The following PLEKHG5 variants were observed in gnomAD, a reference collection of about 807,000 sequenced individuals.
The protein encoded by PLEKHG5 is pleckstrin homology and RhoGEF domain containing G5, also known as pleckstrin homology domain-containing family G member 5.
PLEKHG5 carries 52 observed loss-of-function variants against 103.8 expected under a neutral mutation model. The ratio of observed to expected loss-of-function variants is 0.50; its 90% confidence interval spans 0.40 to 0.63. PLEKHG5 has a LOEUF of 0.63. Ranked by LOEUF, PLEKHG5 falls within the 30% of genes least tolerant of loss-of-function variation. The probability of loss-of-function intolerance (pLI) is 0.00; values close to 1 mark genes in which losing one functional copy is unlikely to be tolerated. For synonymous variants in PLEKHG5, 592 were observed against 575.5 expected (o/e 1.03, Z -0.41); for missense variants, 1,205 against 1,347.6 (o/e 0.89, Z 1.66).
chr1:6,508,450 C>T (rs953171589), intron 1 of PLEKHG5, among the ~76,000 whole-genome samples: 7 of 152,186 alleles, frequency 4.6e-5, no homozygotes, highest in Admixed American at 1.3e-4. Flanking sequence ...CCCAGCCTCC[C>T]GATGCAGGAA....
chr1:6,470,799 A>C lies in PLEKHG5; in HGVS notation c.1478T>G (p.Leu493Arg). 1 of 1,575,432 alleles carries C rather than the reference A, an allele frequency of 6.3e-7. No individual in the cohort carries two copies. The highest frequency in any genetic ancestry group is 8.6e-7 in the Non-Finnish European group (1 of 1,161,118). The change falls in exon 14 of 21, where the codon CTG becomes CGG. Residue 493 changes from leucine to arginine, a missense_variant. Coordinates refer to ENST00000377728, the MANE Select transcript of PLEKHG5 (RefSeq NM_020631.6). The stretch of plus-strand genomic sequence containing the variant: ...CTTCCTCAGCACCGACTTGAGCAGC[A>C]GCGGGTACTTGGTGAGCCGCTGGTG... ...KPHQRLTKYPLLLKSVLRKTE... is the reference protein window; with the variant it reads ...KPHQRLTKYPRLLKSVLRKTE...
rs373357833 is a variant in PLEKHG5 at position 6,469,693 on chromosome 1, G to T, written c.1801-17C>A. On this transcript the variant is annotated splice_polypyrimidine_tract_variant and intron_variant, in intron 16 of 20. Coordinates refer to ENST00000377728, the MANE Select transcript of PLEKHG5 (RefSeq NM_020631.6). ...CACATCCATCTGCAGTGGCAGGAGG[G>T]GGGGTGGCCAGAGAGGCCAGCAGGG... 38 of 1,610,386 alleles carry T rather than the reference G, an allele frequency of 2.4e-5. No homozygotes were observed. The highest frequency in any genetic ancestry group is 5.5e-5 in the South Asian group (5 of 91,020).
chr1:6,497,481 C>G (rs969357382), upstream of PLEKHG5: 1 of 147,952 alleles, frequency 6.8e-6, no homozygotes, highest in Non-Finnish European at 1.4e-5. This position sits in a 1 kb window ranked among gnomAD's most constrained non-coding sequence, Gnocchi z 6.1. Context: ...GCCTCGGGGG[C>G]GGGGGGCGGG....
rs550158247 is a variant in PLEKHG5, at chr1:6,502,906, G to A, written c.-164-6337C>T. Among the ~76,000 whole-genome samples the A allele has an allele frequency of 5.3e-5, 8 of 152,288 alleles. No homozygotes were observed. The South Asian group carries it at 6.2e-4, about 12-fold the overall frequency. On this transcript the variant is annotated intron_variant, in intron 1 of 21. Coordinates refer to the PLEKHG5 transcript ENST00000377740. ...ACCCAGCCGCTGTGTGCAGCCCCCC[G>A]GCGCCTCTCTGCCGGCCCCGGGGAG...
intron 15 of PLEKHG5, 62 bp from the exon 16 acceptor site, chr1:6,470,417 T>A (rs1410126238): frequency 5.0e-6 from 8 of 1,612,562 alleles, no homozygotes; most frequent in Non-Finnish European, 6.8e-6. Context: ...CAGCTAGGCA[T>A]CCTCAGTGAG....
In PLEKHG5 at chr1:6,512,468, G is replaced by GCAGGGAAGC. The variant is rs1385727154; in HGVS notation, c.-165+6968_-165+6976dup. Among the ~76,000 whole-genome samples, 4 of 152,296 alleles carry GCAGGGAAGC rather than the reference G, an allele frequency of 2.6e-5. No homozygotes were observed. The East Asian group carries it at 7.7e-4, about 29-fold the overall frequency. ...CCCCGGGCTACCGAGTGTGTGGGGG[G>GCAGGGAAGC]CAGGGAAGCCAGACAGTGGGGCCCT... On this transcript the variant is annotated intron_variant, in intron 1 of 21. Coordinates refer to the PLEKHG5 transcript ENST00000377740.
At position 6,468,326 on chromosome 1, in the gene PLEKHG5, G is replaced by A; in HGVS notation, c.2510C>T (p.Ala837Val). Residue 837 changes from alanine (A) to valine (V), a missense_variant, in exon 20 of 21, where the codon GCA becomes GTA. Transcript: ENST00000377728. ...LQDFVAPGPMAELVPRAPESP... is the reference protein window; with the variant it reads ...LQDFVAPGPMVELVPRAPESP... ...CTCTGGGGCCCGAGGCACTAGCTCT[G>A]CCATTGGGCCTGGGGCCACAAAGTC... 1 of 1,609,576 alleles carries A rather than the reference G, an allele frequency of 6.2e-7. No homozygotes were observed. Among genetic ancestry groups the A allele is most frequent in the Non-Finnish European group, 8.5e-7 (1 of 1,178,490 alleles).
chr1:6,511,671 C>T (rs528310749), intron 1 of PLEKHG5, among the ~76,000 whole-genome samples: 128 of 152,362 alleles, frequency 8.4e-4, no homozygotes, highest in East Asian at 5.8e-4. Context: ...AGCAGGGCCA[C>T]GACAGGGCTC....
At chr1:6,504,562 CTTTTTTTTTCTT>C (rs1369243051) in intron 1 of PLEKHG5, among the ~76,000 whole-genome samples, 1 of 126,376 alleles carries the variant, frequency 7.9e-6, no homozygotes, top group African/African-American at 3.7e-5. Context: ...TCCCTTCTCT[CTTTTTTTTTCTT>C]TTTTTTTTTT....
chr1:6,516,471 A>C (rs1436396317), intron 1 of PLEKHG5, among the ~76,000 whole-genome samples: 1 of 152,106 alleles, frequency 6.6e-6, no homozygotes, highest in Non-Finnish European at 1.5e-5. Flanking sequence ...AGCCTGGCCA[A>C]CATGGTGAAA....
intron 1 of PLEKHG5, among the ~76,000 whole-genome samples, chr1:6,484,779 G>A (rs1569935592): frequency 6.6e-6 from 1 of 152,134 alleles, no homozygotes; most frequent in African/African-American, 2.4e-5. Context: ...ATGTTCCCAG[G>A]TCTCAACCCA....
At position 6,467,480 on chromosome 1, in the gene PLEKHG5, G is replaced by A. The variant is rs1052527507; in HGVS notation, c.*83C>T. 3.8e-6 allele frequency: 5 copies of A among 1,307,072 alleles called. No homozygotes were observed. Among genetic ancestry groups the A allele is most frequent in the Non-Finnish European group, 5.5e-6 (5 of 901,018 alleles). The allele number at this position is 1,307,072 out of a possible 1,614,324, so 81.0% of individuals were successfully genotyped here. A position where few individuals can be genotyped will look rare whatever the true frequency, so the allele number is the denominator to read the frequency against. Reference sequence around the variant, plus strand: ...CGGCTCATGCATACAGGAGGCAGTAGCTGAAGCAGGTGCCGGCACGCCCCA... The same window carrying A: ...CGGCTCATGCATACAGGAGGCAGTAACTGAAGCAGGTGCCGGCACGCCCCA... On this transcript the variant is annotated 3_prime_UTR_variant, in exon 21 of 21. Transcript: ENST00000377728.
chr1:6,474,668 G>T lies in PLEKHG5; in HGVS notation c.303-81C>A, dbSNP rs748703891. 2.6e-4 allele frequency: 236 copies of T among 901,324 alleles called. 1 individual carries two copies. Among genetic ancestry groups the T allele is most frequent in the Middle Eastern group, 2.5e-3 (6 of 2,390 alleles). The allele number at this position is 901,324 out of a possible 1,614,324, so 55.8% of individuals were successfully genotyped here. A position where few individuals can be genotyped will look rare whatever the true frequency, so the allele number is the denominator to read the frequency against. ...TTGGGCCCCGCCCCCACGAGCCCCC[G>T]CCCCACCCACAGCCCCAGCTGCCCC... is the stretch of plus-strand genomic sequence containing the variant. On this transcript the variant is annotated intron_variant, in intron 5 of 20. Transcript: ENST00000377728.
chr1:6,472,619 G>A lies in PLEKHG5; in HGVS notation c.988C>T (p.Leu330=). ...TGCTGGTGGCACTGCCGCCGGGTCA[G>A]CTTCTAGAGGGAGGGCAGGATGGGT... ...WRELIDGHEK[L]TRRQCHQQEA... Residue 330 remains leucine (L), a synonymous_variant, in exon 10 of 21, where the codon CTG becomes TTG. Transcript: ENST00000377728. 1 of 1,611,040 alleles carries A rather than the reference G, an allele frequency of 6.2e-7. No homozygotes were observed. The highest frequency in any genetic ancestry group is 8.5e-7 in the Non-Finnish European group (1 of 1,178,376).
chr1:6,514,790 A>C (rs1638570419), intron 1 of PLEKHG5, among the ~76,000 whole-genome samples: 1 of 150,104 alleles, frequency 6.7e-6, no homozygotes, highest in Admixed American at 6.7e-5. Flanking sequence ...AAAATTGGCC[A>C]GCCGCGGTGG....
rs543111127 is a variant in PLEKHG5 at position 6,502,840 on chromosome 1, G to A, written c.-164-6271C>T. Among the ~76,000 whole-genome samples, 12 of 152,280 alleles carry A rather than the reference G, an allele frequency of 7.9e-5. No homozygotes were observed. The East Asian group carries it at 1.2e-3, about 15-fold the overall frequency. On this transcript the variant is annotated intron_variant, in intron 1 of 21. Transcript: ENST00000377740. ...GCCGTGTGCCCAGGCTCACCCACCCGACCGCCTCAGCTCATGCATGAGACC... is the reference window on the plus strand; with the variant it reads ...GCCGTGTGCCCAGGCTCACCCACCCAACCGCCTCAGCTCATGCATGAGACC...
At position 6,513,681 on chromosome 1, in the gene PLEKHG5, C is replaced by T. The variant is rs150644475; in HGVS notation, c.-165+5764G>A. 7.8e-3 allele frequency among the ~76,000 whole-genome samples: 1,187 copies of T among 152,346 alleles called. 9 individuals carry two copies. The highest frequency in any genetic ancestry group is 0.018 in the African/African-American group (742 of 41,576). ...GGCTCCTGGGCCGGGCTCCCAACCA[C>T]GGAAAAGACAGGCTGGACTTCCAGA... On this transcript the variant is annotated intron_variant, in intron 1 of 21. Coordinates refer to the PLEKHG5 transcript ENST00000377740.
In PLEKHG5 at chr1:6,475,492, GGA is replaced by G; in HGVS notation, c.178_179del (p.Ser60GlnfsTer11). The G allele has an allele frequency of 6.2e-7, 1 of 1,613,586 alleles. No homozygotes were observed. The highest frequency in any genetic ancestry group is 1.7e-4 in the Middle Eastern group (1 of 6,060). ...TGTGTCTCCTCCTTGCTTTCTTCTT[GGA>G]GAGTTTCAGGCCTGTGCTCTTCCGG... ...GDRKSTGLKL[S>X]KKKARRRHTD... On this transcript the variant is annotated frameshift_variant, in exon 4 of 21. Transcript: ENST00000377728. LOFTEE classifies it high-confidence loss of function.
At position 6,486,807 on chromosome 1, in the gene PLEKHG5, A is replaced by G. The variant is rs1645048899; in HGVS notation, c.-88+4830T>C. Among the ~76,000 whole-genome samples the G allele has an allele frequency of 6.6e-6, 1 of 152,228 alleles. No individual in the cohort carries two copies. The highest frequency in any genetic ancestry group is 6.5e-5 in the Admixed American group (1 of 15,290). ...GGGGGATAAAGTGACATAAAGAGACAAAAGTCTACAGGCAAGACTGAAACT... is the reference window on the plus strand; with the variant it reads ...GGGGGATAAAGTGACATAAAGAGACGAAAGTCTACAGGCAAGACTGAAACT... On this transcript the variant is annotated intron_variant, in intron 1 of 20. Coordinates refer to ENST00000377728, the MANE Select transcript of PLEKHG5 (RefSeq NM_020631.6). This position sits in a 1 kb window ranked among gnomAD's most constrained non-coding sequence, Gnocchi z 5.3.
Sources: gnomAD v4.1 joint callset for allele counts (sites outside exome capture counted in the v4.1 genomes callset) on GRCh38, gnomAD v4.1.1 for gene constraint, Gnocchi (gnomAD v3.1) non-coding constraint, MANE v1.5 for transcripts, NCBI Gene and HGNC (gene_info 2026-07-23, HGNC 2026-07-21) for gene names.